CILP: variants seen among roughly 807,000 people sequenced by gnomAD.
CILP encodes cartilage intermediate layer protein.
CILP carries 75 observed loss-of-function variants against 82.5 expected under a neutral mutation model. That is an observed-to-expected ratio of 0.91 (90% confidence interval 0.75 to 1.10). The LOEUF (loss-of-function observed/expected upper bound fraction) is 1.10, where lower values mean the gene tolerates loss of function less well. CILP is among the 50% of genes least tolerant of loss of function. The pLI is 0.00. For missense variants in CILP, 1,479 were observed against 1,530.8 expected, an observed-to-expected ratio of 0.97 and a Z score of 0.56; for synonymous variants, 530 against 580.3, an observed-to-expected ratio of 0.91 and a Z score of 1.25.
chr15:65,204,271 C>A lies in CILP; in HGVS notation c.916G>T (p.Ala306Ser). Residue 306 changes from alanine to serine, a missense_variant, in exon 6 of 9, where the codon GCA (alanine) becomes TCA (serine). By Grantham distance (99) the Ala-to-Ser change is moderately conservative (BLOSUM62 1). Coordinates refer to ENST00000261883, the MANE Select transcript of CILP (RefSeq NM_003613.4). Reference protein sequence around the residue: ...AATIKAEFVRAETPYMVMNPE... With the variant: ...AATIKAEFVRSETPYMVMNPE... ...CTACCCCAAAGAATTTAGTTACCTG[C>A]CCTCACAAACTCTGCCTTGATGGTG... 1 of 1,613,106 alleles carries A rather than the reference C, an allele frequency of 6.2e-7. No individual in the cohort carries two copies. The highest frequency in any genetic ancestry group is 2.2e-5 in the East Asian group (1 of 44,872).
rs1212640577 is a variant in CILP at position 65,204,225 on chromosome 15, A to G, written c.919+43T>C. 3.8e-6 allele frequency: 6 copies of G among 1,562,808 alleles called. No homozygotes were observed. The African/African-American group carries it at 5.5e-5, about 14-fold the overall frequency. Reference sequence around the variant, plus strand: ...AGCACTATAATCCCTTTATTTAAAAATCTGGACCTTCTCACCAGCCCTACC... The same window carrying G: ...AGCACTATAATCCCTTTATTTAAAAGTCTGGACCTTCTCACCAGCCCTACC... On this transcript the variant is annotated intron_variant, in intron 6 of 8. Transcript: ENST00000261883.
chr15:65,201,746 A>AGAAAGAAAGAAAG, intron 8 of CILP, 126 bp downstream of exon 8: 1 of 524,566 alleles, frequency 1.9e-6, no homozygotes, highest in Non-Finnish European at 3.0e-6. Flanking sequence ...AAAAAAAAAA[A>AGAAAGAAAGAAAG]AAAAGAAAGA....
chr15:65,203,606 T>C (rs1034137811), intron 6 of CILP, 136 bp from the exon 7 acceptor site: 14 of 633,982 alleles, frequency 2.2e-5, no homozygotes, highest in East Asian at 1.4e-4. Flanking sequence ...CCCATCTCCA[T>C]TGGTCCTAAG....
rs2088388677 is a variant in CILP at position 65,197,695 on chromosome 15, TG to T, written c.2590del (p.His864MetfsTer72). On this transcript the variant is annotated frameshift_variant, in exon 9 of 9. Coordinates refer to ENST00000261883, the MANE Select transcript of CILP (RefSeq NM_003613.4). LOFTEE classifies it high-confidence loss of function. ...TGTCTTTTTAACCCGTGGATCCTCATGGTCCGTCCGACGGTAGTTGAGCTTG... is the reference window on the plus strand; with the variant it reads ...TGTCTTTTTAACCCGTGGATCCTCATGTCCGTCCGACGGTAGTTGAGCTTG... The part of the protein sequence containing the change: ...LNKLNYRRTD[H>X]EDPRVKKTAF... 4 of 1,613,564 alleles carry T rather than the reference TG, an allele frequency of 2.5e-6. No individual in the cohort carries two copies. The South Asian group carries it at 4.4e-5, about 18-fold the overall frequency.
chr15:65,210,281 T>C (rs2088571183), intron 1 of CILP, among the ~76,000 whole-genome samples: 1 of 152,154 alleles, frequency 6.6e-6, no homozygotes, highest in Admixed American at 6.5e-5. Flanking sequence ...CCGTGAAGAC[T>C]TGGCTCCGAC....
In CILP at chr15:65,206,888, G is replaced by A; in HGVS notation, c.318C>T (p.Gly106=). 1 of 1,613,958 alleles carries A rather than the reference G, an allele frequency of 6.2e-7. No individual in the cohort carries two copies. Among genetic ancestry groups the A allele is most frequent in the East Asian group, 2.2e-5 (1 of 44,868 alleles). The change falls in exon 4 of 9, where the codon GGC becomes GGT. Residue 106 remains glycine (G), a synonymous_variant. Transcript: ENST00000261883. Reference sequence around the variant, plus strand: ...CACGGGGACTACCATGGACCACCTGGCCAGTGCTGCCCGCAGGTGTCCAGT... The same window carrying A: ...CACGGGGACTACCATGGACCACCTGACCAGTGCTGCCCGCAGGTGTCCAGT... ...TTDWTPAGST[G]QVVHGSPREG... is the part of the protein sequence containing the mutation.
At chr15:65,202,375 A>G (rs2140677279) in intron 7 of CILP, among the ~76,000 whole-genome samples, 1 of 152,026 alleles carries the variant, frequency 6.6e-6, no homozygotes, top group East Asian at 1.9e-4. Context: ...GTGGCTATAA[A>G]ATGTTTGTGA....
intron 4 of CILP, 60 bp downstream of exon 4, chr15:65,206,722 C>T (rs1000004789): frequency 1.3e-6 from 2 of 1,550,410 alleles, no homozygotes; most frequent in East Asian, 2.3e-5. Flanking sequence ...CAGGTTCTCC[C>T]TCTCCCTGAG....
chr15:65,201,007 TTC>T (rs1398130018), intron 8 of CILP, among the ~76,000 whole-genome samples: 1 of 99,450 alleles, frequency 1.0e-5, no homozygotes, highest in African/African-American at 4.4e-5. Context: ...TTTCTTCTTC[TTC>T]TTTTTTTTTT....
Position 65,197,515 on chromosome 15 carries a change from T to G in CILP, c.2771A>C (p.Tyr924Ser). The G allele has an allele frequency of 6.2e-7, 1 of 1,614,186 alleles. No individual in the cohort carries two copies. The highest frequency in any genetic ancestry group is 8.5e-7 in the Non-Finnish European group (1 of 1,180,012). The part of the protein sequence containing the change: ...FYQIEGDRYD[Y>S]NTVPFNEDDP... ...ATCTTCGTTGAAGGGGACTGTGTTG[T>G]AGTCATATCGATCCCCCTCAATCTG... Residue 924 changes from tyrosine (Y) to serine (S), a missense_variant, in exon 9 of 9, where the codon TAC becomes TCC. Transcript: ENST00000261883.
chr15:65,198,489 A>G lies in CILP; in HGVS notation c.1797T>C (p.Ala599=), dbSNP rs752585496. The change falls in exon 9 of 9, where the codon GCT becomes GCC. Residue 599 remains alanine (A), a synonymous_variant. Transcript: ENST00000261883. ...LGEVVGEDPM[A]ELEIPSRSFY... ...AACTCCTGGATGGAATCTCCAGTTCAGCCATGGGGTCTTCACCAACCACTT... is the reference window on the plus strand; with the variant it reads ...AACTCCTGGATGGAATCTCCAGTTCGGCCATGGGGTCTTCACCAACCACTT... The G allele has an allele frequency of 9.3e-6, 15 of 1,614,112 alleles. No individual in the cohort carries two copies. The highest frequency in any genetic ancestry group is 1.3e-5 in the Non-Finnish European group (15 of 1,180,048).
chr15:65,204,631 T>C, intron 5 of CILP, 49 bp from the exon 6 acceptor site: 1 of 1,539,418 alleles, frequency 6.5e-7, no homozygotes, highest in Non-Finnish European at 8.7e-7. Flanking sequence ...ATTCTGGCAT[T>C]CCTTCAGCCA....
Position 65,196,800 on chromosome 15 carries a change from G to A in CILP, c.3486C>T (p.Gly1162=), listed in dbSNP as rs1235714037. 4 of 1,601,474 alleles carry A rather than the reference G, an allele frequency of 2.5e-6. No individual in the cohort carries two copies. The highest frequency in any genetic ancestry group is 3.4e-6 in the Non-Finnish European group (4 of 1,172,600). Residue 1162 remains glycine, a synonymous_variant, in exon 9 of 9, where the codon GGC becomes GGT. Transcript: ENST00000261883. ...SRRQQRASRG[G]QRQGGVVASL... Reference sequence around the variant, plus strand: ...AGGCCACCACTCCACCCTGGCGCTGGCCACCCCTGCTCGCTCGCTGCTGCC... The same window carrying A: ...AGGCCACCACTCCACCCTGGCGCTGACCACCCCTGCTCGCTCGCTGCTGCC...
intron 8 of CILP, among the ~76,000 whole-genome samples, chr15:65,200,827 A>C (rs1436223372): frequency 6.6e-6 from 1 of 152,168 alleles, no homozygotes; most frequent in East Asian, 1.9e-4. Flanking sequence ...GTATTTTTTC[A>C]AACCCAGTCA....
Position 65,194,787 on chromosome 15 carries a change from C to T in CILP, c.*1944G>A, listed in dbSNP as rs1336888009. 2.0e-5 allele frequency: 3 copies of T among 151,966 alleles called. No homozygotes were observed. Among genetic ancestry groups the T allele is most frequent in the African/African-American group, 7.3e-5 (3 of 41,334 alleles). 9.4% of individuals were successfully genotyped at this position (151,966 alleles called of 1,614,324 possible). A position where few individuals can be genotyped will look rare whatever the true frequency, so the allele number is the denominator to read the frequency against. On this transcript the variant is annotated 3_prime_UTR_variant, in exon 9 of 9. Coordinates refer to ENST00000261883, the MANE Select transcript of CILP (RefSeq NM_003613.4). ...TGTGCTGGAGTCCATTTATTCAGGC[C>T]CTCAATTGAGAACAGCAAGGAAAGT...
In CILP at chr15:65,198,835, C is replaced by T. The variant is rs370970341; in HGVS notation, c.1451G>A (p.Arg484Gln). ...TKVAKECSCQ[R>Q]CTETRSIVRG... ...CACGATGCTCCGAGTTTCCGTACAC[C>T]GCTGGCAGCTGCACTCCTTGGCCAC... The change falls in exon 9 of 9, where the codon CGG becomes CAG. Residue 484 changes from arginine to glutamine, a missense_variant. By Grantham distance (43) the Arg-to-Gln change is conservative. Transcript: ENST00000261883. 3.4e-5 allele frequency: 55 copies of T among 1,614,038 alleles called. No individual in the cohort carries two copies. Among genetic ancestry groups the T allele is most frequent in the Admixed American group, 1.5e-4 (9 of 60,010 alleles).
Position 65,196,573 on chromosome 15 carries a change from T to C in CILP, c.*158A>G, listed in dbSNP as rs1238825102. The stretch of plus-strand genomic sequence containing the variant: ...TGCCATTGTGGGGGCCACGTGCCAA[T>C]CAGTAGCATGGGACAAAGTAAGTAA... On this transcript the variant is annotated 3_prime_UTR_variant, in exon 9 of 9. Transcript: ENST00000261883. 1.7e-6 allele frequency: 1 copy of C among 599,662 alleles called. No homozygotes were observed. The highest frequency in any genetic ancestry group is 3.4e-5 in the South Asian group (1 of 29,278). 37.1% of individuals were successfully genotyped at this position (599,662 alleles called of 1,614,324 possible). A position where few individuals can be genotyped will look rare whatever the true frequency, so the allele number is the denominator to read the frequency against.
Position 65,206,795 on chromosome 15 carries a change from G to A in CILP, c.411C>T (p.Phe137=). The A allele has an allele frequency of 2.5e-6, 4 of 1,611,550 alleles. No homozygotes were observed. The highest frequency in any genetic ancestry group is 2.2e-5 in the East Asian group (1 of 44,778). Residue 137 remains phenylalanine, a synonymous_variant, in exon 4 of 9, where the codon TTC becomes TTT. Coordinates refer to ENST00000261883, the MANE Select transcript of CILP (RefSeq NM_003613.4). The part of the protein sequence containing the change: ...GQNCSNYTVR[F]LCPPGSLRRD... Reference sequence around the variant, plus strand: ...GTTCTGGCTTACCTGGTGGGCAGAGGAAGCGTACGGTGTAATTAGAGCAGT... The same window carrying A: ...GTTCTGGCTTACCTGGTGGGCAGAGAAAGCGTACGGTGTAATTAGAGCAGT...
At position 65,196,910 on chromosome 15, in the gene CILP, G is replaced by A. The variant is rs773061589; in HGVS notation, c.3376C>T (p.Arg1126Cys). The A allele has an allele frequency of 1.2e-5, 19 of 1,613,268 alleles. No individual in the cohort carries two copies. Among genetic ancestry groups the A allele is most frequent in the East Asian group, 2.2e-5 (1 of 44,886 alleles). The stretch of plus-strand genomic sequence containing the variant: ...TGGAGGTACTGGAAGGCACTCTGGC[G>A]GCCTACTTGCCTCTCTACACAGTTG... The part of the protein sequence containing the change: ...TFNCVERQVG[R>C]QSAFQYLQST... Residue 1126 changes from arginine (R) to cysteine (C), a missense_variant, in exon 9 of 9, where the codon CGC becomes TGC. Transcript: ENST00000261883.
Sources: allele counts gnomAD v4.1 joint callset (sites outside exome capture counted in the v4.1 genomes callset), GRCh38; gene constraint gnomAD v4.1.1; transcripts MANE v1.5; gene names NCBI Gene and HGNC (gene_info 2026-07-23, HGNC 2026-07-21).